ERC1: variants seen among roughly 807,000 people sequenced by gnomAD.
The protein encoded by ERC1 is ELKS/RAB6-interacting/CAST family member 1.
A neutral mutation model predicts 132.0 loss-of-function variants in ERC1; 56 were observed. The observed-to-expected ratio is 0.42, with a 90% CI of 0.34 to 0.53. The LOEUF (loss-of-function observed/expected upper bound fraction) is 0.53. Ranked by LOEUF, ERC1 falls within the 20% of genes least tolerant of loss-of-function variation. ERC1 has a pLI of 0.03. For missense variants in ERC1, 1,202 were observed against 1,349.9 expected (o/e 0.89, Z 1.72); for synonymous variants, 478 against 476.1 (o/e 1.00, Z -0.05).
chr12:1,475,094 G>A (rs59333449), intron 18 of ERC1, among the ~76,000 whole-genome samples: 2,445 of 152,212 alleles, frequency 0.016, 66 homozygotes, highest in African/African-American at 0.056. Context: ...TCTGCCAGAG[G>A]CCACCTTCGT....
chr12:1,018,097 T>A (rs7964790), intron 1 of ERC1, among the ~76,000 whole-genome samples: 1 of 152,226 alleles, frequency 6.6e-6, no homozygotes, highest in African/African-American at 2.4e-5. Flanking sequence ...AACAGTTTTT[T>A]AAAAAATTGA....
chr12:1,391,314 G>T (rs73026434), intron 16 of ERC1: 4,687 of 152,388 alleles, frequency 0.031, 82 homozygotes, highest in Middle Eastern at 0.071. Context: ...CACTCAAGGG[G>T]TGGAGGCTTC....
intron 2 of ERC1, among the ~76,000 whole-genome samples, chr12:1,038,685 A>G (rs1033836391): frequency 4.6e-5 from 7 of 152,184 alleles, no homozygotes; most frequent in African/African-American, 1.4e-4. Context: ...GATTTACTCA[A>G]TGAAGATTTT....
chr12:1,025,769 G>A (rs114184388), intron 1 of ERC1, among the ~76,000 whole-genome samples: 7,290 of 151,036 alleles, frequency 0.048, 177 homozygotes, highest in Middle Eastern at 0.077. Context: ...AGACATACCC[G>A]AGACTAGGTA....
At chr12:1,080,592 A>C (rs1310987148) in intron 2 of ERC1, among the ~76,000 whole-genome samples, 5 of 152,194 alleles carry the variant, frequency 3.3e-5, no homozygotes, top group Non-Finnish European at 5.9e-5. Flanking sequence ...TAATTGAATC[A>C]TGGGGGCCAG....
chr12:1,440,394 G>GA (rs2093088092), intron 17 of ERC1, among the ~76,000 whole-genome samples: 1 of 150,362 alleles, frequency 6.7e-6, no homozygotes, highest in Non-Finnish European at 1.5e-5. Context: ...TTTTAGTAGA[G>GA]ACGGGGTTTC....
chr12:1,289,387 T>C (rs544916648), intron 14 of ERC1, among the ~76,000 whole-genome samples: 1 of 152,090 alleles, frequency 6.6e-6, no homozygotes, highest in South Asian at 2.1e-4. Context: ...ATGATGTAAA[T>C]AGGAAAATTT....
At chr12:1,189,038 T>A (rs966054893) in intron 11 of ERC1, among the ~76,000 whole-genome samples, 2 of 152,208 alleles carry the variant, frequency 1.3e-5, no homozygotes, top group African/African-American at 4.8e-5. Flanking sequence ...AATTTTTTTC[T>A]CAGATCTTAG....
chr12:1,133,677 C>G (rs1948988902), intron 7 of ERC1, among the ~76,000 whole-genome samples: 2 of 152,086 alleles, frequency 1.3e-5, no homozygotes, highest in East Asian at 3.8e-4. Context: ...GATTTTTACT[C>G]TCTTGGCAAA....
Position 991,244 on chromosome 12 carries a change from TGGC to T in ERC1, c.-220_-218del, listed in dbSNP as rs1239172763. The T allele has an allele frequency of 8.3e-4, 107 of 129,288 alleles. No individual in the cohort carries two copies. Among genetic ancestry groups the T allele is most frequent in the Non-Finnish European group, 1.5e-3 (84 of 57,488 alleles). The allele number at this position is 129,288 out of a possible 1,614,324, so 8.0% of individuals were successfully genotyped here. A position where few individuals can be genotyped will look rare whatever the true frequency, so the allele number is the denominator to read the frequency against. On this transcript the variant is annotated 5_prime_UTR_variant, in exon 1 of 19. Coordinates refer to ENST00000360905, the MANE Select transcript of ERC1 (RefSeq NM_178040.4). ...CGTCGCGGGCGCCTGGGCCGTGCTG[TGGC>T]GGCGGCGGCGGCGGTAGTGGCGGCG... is the stretch of plus-strand genomic sequence containing the variant.
chr12:1,221,084 C>T (rs1028371298), intron 12 of ERC1, among the ~76,000 whole-genome samples: 1 of 152,054 alleles, frequency 6.6e-6, no homozygotes, highest in African/African-American at 2.4e-5. Context: ...TCTGACATAC[C>T]ATGTATTTTT....
chr12:1,427,985 G>C (rs1220430396), intron 17 of ERC1, among the ~76,000 whole-genome samples: 2 of 152,134 alleles, frequency 1.3e-5, no homozygotes, highest in Non-Finnish European at 2.9e-5. Flanking sequence ...GGTTTCTGTT[G>C]AGTGATTTAA....
chr12:1,232,145 C>T (rs2075090276), intron 12 of ERC1, among the ~76,000 whole-genome samples: 1 of 152,092 alleles, frequency 6.6e-6, no homozygotes, highest in African/African-American at 2.4e-5. Context: ...CTGAGAAATC[C>T]ACTGATTGCC....
At chr12:1,402,284 C>T (rs977083392) in intron 16 of ERC1, among the ~76,000 whole-genome samples, 7 of 152,134 alleles carry the variant, frequency 4.6e-5, no homozygotes, top group Admixed American at 4.6e-4. Flanking sequence ...AATCCCAGCA[C>T]TTTGGGAGGC....
At chr12:1,315,403 T>G (rs547926230) in intron 15 of ERC1, among the ~76,000 whole-genome samples, 4 of 152,194 alleles carry the variant, frequency 2.6e-5, no homozygotes, top group African/African-American at 9.6e-5. Flanking sequence ...CAGGCTAGAG[T>G]GCAGTGGTGT....
At chr12:1,335,621 G>C (rs370524684) in intron 15 of ERC1, among the ~76,000 whole-genome samples, 11 of 152,152 alleles carry the variant, frequency 7.2e-5, no homozygotes, top group Non-Finnish European at 1.3e-4. Flanking sequence ...TCTGGATTCA[G>C]TTTGTCAGGA....
chr12:1,055,261 C>CCT (rs1379871691), intron 2 of ERC1, among the ~76,000 whole-genome samples: 3 of 152,054 alleles, frequency 2.0e-5, no homozygotes, highest in Non-Finnish European at 2.9e-5. Context: ...TTCACTGCAA[C>CCT]CTCTGCTTCC....
intron 2 of ERC1, among the ~76,000 whole-genome samples, chr12:1,064,220 CTT>C (rs111805974): frequency 1.1e-4 from 15 of 142,206 alleles, no homozygotes; most frequent in Admixed American, 1.4e-4. Context: ...GTTTAAAAAA[CTT>C]TTTTTTTTTT....
chr12:1,083,740 G>A (rs1405430964), intron 3 of ERC1, among the ~76,000 whole-genome samples, 160 bp downstream of exon 3: 1 of 152,088 alleles, frequency 6.6e-6, no homozygotes, highest in Non-Finnish European at 1.5e-5. Flanking sequence ...GTTCTGATTT[G>A]CCCTGTTGTA....
Sources: allele counts gnomAD v4.1 joint callset (sites outside exome capture counted in the v4.1 genomes callset), GRCh38; gene constraint gnomAD v4.1.1; transcripts MANE v1.5; gene names NCBI Gene and HGNC (gene_info 2026-07-23, HGNC 2026-07-21).